Variants in DUSP22 observed in about 807,000 individuals in gnomAD.
DUSP22 encodes dual specificity phosphatase 22.
In DUSP22, 24 loss-of-function variants were observed where a neutral mutation model predicts 24.5. The ratio of observed to expected loss-of-function variants is 0.98; its 90% CI spans 0.71 to 1.38. DUSP22 has a LOEUF of 1.38. DUSP22 is among the 40% of genes most tolerant of loss of function. The pLI is 0.00. For missense variants in DUSP22, 330 were observed against 269.2 expected (o/e 1.23, Z -1.58); for synonymous variants, 160 against 106.4 (o/e 1.50, Z -3.10).
At chr6:348,410 A>AG (rs1370568685) in intron 6 of DUSP22, 136 bp downstream of exon 6, 7 of 1,395,824 alleles carry the variant, frequency 5.0e-6, no homozygotes, top group Non-Finnish European at 6.8e-6. Context: ...CAGGGCGCCC[A>AG]GCTGCACCCC....
chr6:339,198 C>A (rs555377306), intron 4 of DUSP22, among the ~76,000 whole-genome samples: 1 of 152,302 alleles, frequency 6.6e-6, no homozygotes, highest in Non-Finnish European at 1.5e-5. Flanking sequence ...AAGTGGCCAG[C>A]GTGGTATGGG....
intron 3 of DUSP22, among the ~76,000 whole-genome samples, chr6:324,331 C>T (rs2127405769): frequency 6.6e-6 from 1 of 152,418 alleles, no homozygotes; most frequent in South Asian, 2.1e-4. Context: ...CCTGGGGAGG[C>T]CTGGGAGCAG....
At chr6:332,405 G>A (rs1316240937) in intron 3 of DUSP22, among the ~76,000 whole-genome samples, 1 of 152,306 alleles carries the variant, frequency 6.6e-6, no homozygotes, top group Admixed American at 6.5e-5. Flanking sequence ...GTTCCCAGAT[G>A]GAGAGATAGC....
intron 2 of DUSP22, among the ~76,000 whole-genome samples, chr6:305,662 C>T (rs1581149515): frequency 1.3e-5 from 2 of 152,422 alleles, no homozygotes; most frequent in African/African-American, 4.8e-5. Flanking sequence ...GGGCCAAGTC[C>T]CCCTGCCAGG....
intron 5 of DUSP22, among the ~76,000 whole-genome samples, chr6:347,862 A>G (rs1759955513): frequency 1.3e-5 from 2 of 152,304 alleles, no homozygotes; most frequent in Admixed American, 1.3e-4. Flanking sequence ...AGCCCATAGA[A>G]AACCAATAAA....
chr6:307,797 A>T (rs576250798), intron 2 of DUSP22, among the ~76,000 whole-genome samples: 1 of 152,306 alleles, frequency 6.6e-6, no homozygotes, highest in Admixed American at 6.5e-5. Context: ...CCATGTTCGC[A>T]GTCTTGAGCT....
At chr6:323,609 C>T (rs9503256) in intron 3 of DUSP22, among the ~76,000 whole-genome samples, 456 of 152,240 alleles carry the variant, frequency 3.0e-3, no homozygotes, top group African/African-American at 9.9e-3. Flanking sequence ...GGAGAGGACG[C>T]GGGGAAGTGG....
chr6:302,863 C>T (rs893887012), intron 1 of DUSP22, among the ~76,000 whole-genome samples: 1 of 152,294 alleles, frequency 6.6e-6, no homozygotes, highest in Admixed American at 6.5e-5. Flanking sequence ...AAGCCAAGGG[C>T]AGGGTGAGGG....
chr6:303,384 G>T (rs928011770), intron 1 of DUSP22, among the ~76,000 whole-genome samples: 2 of 152,306 alleles, frequency 1.3e-5, no homozygotes, highest in Non-Finnish European at 2.9e-5. Flanking sequence ...ACAGAGACTA[G>T]CTCTGGGCCT....
Position 348,280 on chromosome 6 carries a change from C to T in DUSP22, c.435+6C>T, listed in dbSNP as rs557124656. 4 of 1,614,216 alleles carry T rather than the reference C, an allele frequency of 2.5e-6. No homozygotes were observed. The highest frequency in any genetic ancestry group is 2.7e-5 in the African/African-American group (2 of 75,090). On this transcript the variant is annotated splice_donor_region_variant and intron_variant, in intron 6 of 6. Transcript: ENST00000419235. ...AGAAGCATGAGGTCCATCAGGTAAG[C>T]AGTTCTTAGGGGACATCAGAGATGC...
At position 350,048 on chromosome 6, in the gene DUSP22, A is replaced by C. The variant is rs1288067876; in HGVS notation, c.*1097A>C. 1.0e-6 allele frequency: 1 copy of C among 985,528 alleles called. No homozygotes were observed. Among genetic ancestry groups the C allele is most frequent in the East Asian group, 1.1e-4 (1 of 8,836 alleles). 61.0% of individuals were successfully genotyped at this position (985,528 alleles called of 1,614,324 possible). On this transcript the variant is annotated 3_prime_UTR_variant, in exon 7 of 7. Coordinates refer to ENST00000419235, the MANE Select transcript of DUSP22 (RefSeq NM_001286555.3). ...ATTTTAAAATGCCTGAGCATTTATT[A>C]AGCTTCTTGGTATTCACTTGGGTTT...
intron 1 of DUSP22, among the ~76,000 whole-genome samples, chr6:298,817 C>G (rs1757453677): frequency 6.6e-6 from 1 of 152,298 alleles, no homozygotes; most frequent in South Asian, 2.1e-4. Flanking sequence ...GTGTTAGACT[C>G]TGGGCAGGTT....
chr6:336,875 C>T (rs1210386788), intron 4 of DUSP22, among the ~76,000 whole-genome samples: 2 of 152,308 alleles, frequency 1.3e-5, no homozygotes, highest in African/African-American at 4.8e-5. Context: ...GAGCCACTGC[C>T]TTTCTCTGAA....
chr6:295,501 G>A (rs907933794), intron 1 of DUSP22, among the ~76,000 whole-genome samples: 4 of 152,270 alleles, frequency 2.6e-5, no homozygotes, highest in African/African-American at 9.6e-5. Flanking sequence ...AGGACTGGGC[G>A]TGGTGGCTCG....
intron 4 of DUSP22, among the ~76,000 whole-genome samples, chr6:344,844 A>G: frequency 6.6e-6 from 1 of 152,300 alleles, no homozygotes; most frequent in African/African-American, 2.4e-5. Flanking sequence ...TGCCAGGAGT[A>G]AATCAGCTTT....
intron 3 of DUSP22, among the ~76,000 whole-genome samples, chr6:313,127 G>A (rs1191322197): frequency 6.6e-6 from 1 of 152,304 alleles, no homozygotes; most frequent in Admixed American, 6.5e-5. Context: ...TTAAAATACA[G>A]CCAAGCTATG....
chr6:336,682 C>T (rs1304494618), intron 4 of DUSP22, among the ~76,000 whole-genome samples: 1 of 152,304 alleles, frequency 6.6e-6, no homozygotes, highest in Non-Finnish European at 1.5e-5. Context: ...CACATGCACT[C>T]TTGATATTTC....
chr6:347,941 G>A (rs1759959519), intron 5 of DUSP22, among the ~76,000 whole-genome samples, 162 bp from the exon 6 acceptor site: 1 of 152,304 alleles, frequency 6.6e-6, no homozygotes, highest in East Asian at 1.9e-4. Flanking sequence ...GGTACGTTGA[G>A]TGCTGAGTGG....
At chr6:323,003 G>A (rs1758681729) in intron 3 of DUSP22, among the ~76,000 whole-genome samples, 1 of 152,302 alleles carries the variant, frequency 6.6e-6, no homozygotes, top group Admixed American at 6.5e-5. Context: ...CAAATCTGCT[G>A]TTTTCAGGTG....
Sources: allele counts gnomAD v4.1 joint callset (sites outside exome capture counted in the v4.1 genomes callset), GRCh38; gene constraint gnomAD v4.1.1; transcripts MANE v1.5; gene names NCBI Gene and HGNC (gene_info 2026-07-23, HGNC 2026-07-21).